The following ATP8B3 variants were observed in gnomAD, a reference collection of about 807,000 sequenced individuals.
ATP8B3 encodes the protein ATPase phospholipid transporting 8B3.
A neutral mutation model predicts 140.9 loss-of-function variants in ATP8B3; 141 were observed. That is an observed-to-expected ratio of 1.00 (90% CI 0.87 to 1.15). The LOEUF is 1.15. ATP8B3 is among the 50% of genes most tolerant of loss of function. The pLI is 0.00. For missense variants in ATP8B3, 1,874 were observed against 1,740.6 expected, an observed-to-expected ratio of 1.08 and a Z score of -1.36; for synonymous variants, 765 against 714.6, an observed-to-expected ratio of 1.07 and a Z score of -1.13.
rs2069195037 is a variant in ATP8B3 at position 1,811,723 on chromosome 19, G to A, written c.14C>T (p.Pro5Leu). 2 of 1,595,186 alleles carry A rather than the reference G, an allele frequency of 1.3e-6. No individual in the cohort carries two copies. The highest frequency in any genetic ancestry group is 1.3e-5 in the African/African-American group (1 of 74,758). ...TCTGGTGCTCCTGGGAGTCTGAGCG[G>A]GGCCAGTGCCCATTCACCGCATGAG... is the stretch of plus-strand genomic sequence containing the variant. The part of the protein sequence containing the change: MGTG[P>L]AQTPRSTRAG... The change falls in exon 2 of 29, where the codon CCC (proline) becomes CTC (leucine). Residue 5 changes from proline (P) to leucine (L), a missense_variant. Pro to Leu is a moderately conservative substitution (Grantham distance 98). This residue lies in a region of ATP8B3 where 1,032 missense variants were observed against 963.6 expected (regional missense o/e 1.07). Transcript: ENST00000310127.
Position 1,810,652 on chromosome 19 carries a change from C to T in ATP8B3, c.280G>A (p.Glu94Lys), listed in dbSNP as rs751559330. Residue 94 changes from glutamate (E) to lysine (K), a missense_variant, in exon 3 of 29, where the codon GAA becomes AAA. Physicochemically the swap from Glu to Lys is moderately conservative, Grantham distance 56. Around this residue, in one of 3 missense-constraint regions of ATP8B3, gnomAD observed 1,032 missense variants for 963.6 expected, o/e 1.07. Coordinates refer to ENST00000310127, the MANE Select transcript of ATP8B3 (RefSeq NM_138813.4). ...TTCCTGTCCTCATCTTGGAGATCTTCTCTCTGGCCGAGGCTGCCCATGCTG... is the reference window on the plus strand; with the variant it reads ...TTCCTGTCCTCATCTTGGAGATCTTTTCTCTGGCCGAGGCTGCCCATGCTG... ...PTSMGSLGQREDLQDEDRNSA... is the reference protein window; with the variant it reads ...PTSMGSLGQRKDLQDEDRNSA... 2.3e-5 allele frequency: 37 copies of T among 1,613,034 alleles called. No individual in the cohort carries two copies. The highest frequency in any genetic ancestry group is 2.9e-5 in the Non-Finnish European group (34 of 1,179,670).
intron 14 of ATP8B3, chr19:1,799,207 C>G (rs143777405): frequency 6.6e-6 from 1 of 151,842 alleles, no homozygotes. Flanking sequence ...GCCTGCAATG[C>G]CAATATTTTG....
intron 4 of ATP8B3, 54 bp downstream of exon 4, chr19:1,809,589 G>T: frequency 6.7e-7 from 1 of 1,487,916 alleles, no homozygotes. Flanking sequence ...TAGATTCCCC[G>T]AGGGTACCAC....
chr19:1,805,588 T>C lies in ATP8B3; in HGVS notation c.822-132A>G. On this transcript the variant is annotated intron_variant, in intron 9 of 28. Coordinates refer to ENST00000310127, the MANE Select transcript of ATP8B3 (RefSeq NM_138813.4). This position sits in a 1 kb window ranked among gnomAD's most constrained non-coding sequence, Gnocchi z 5.2. ...GTTCGCCAGCTGCCAGTCAGATGGC[T>C]GAGGCCCAGAGAGGGAGAAGGCCTT... The C allele has an allele frequency of 3.5e-6, 3 of 866,712 alleles. No homozygotes were observed. Among genetic ancestry groups the C allele is most frequent in the South Asian group, 3.1e-5 (2 of 65,182 alleles). The allele number at this position is 866,712 out of a possible 1,614,324, so 53.7% of individuals were successfully genotyped here.
At chr19:1,784,751 C>T in intron 28 of ATP8B3, 68 bp downstream of exon 28, 1 of 1,510,964 alleles carries the variant, frequency 6.6e-7, no homozygotes, top group South Asian at 1.3e-5. Flanking sequence ...TCCCTACGCC[C>T]TGCACGGCTC....
Position 1,812,160 on chromosome 19 carries a change from C to T in ATP8B3, c.-149+26G>A, listed in dbSNP as rs115113241. 1,625 of 165,088 alleles carry T rather than the reference C, an allele frequency of 9.8e-3. 31 individuals are homozygous for T. Among genetic ancestry groups the T allele is most frequent in the African/African-American group, 0.037 (1,555 of 41,982 alleles). The allele number at this position is 165,088 out of a possible 1,614,324, so 10.2% of individuals were successfully genotyped here. On this transcript the variant is annotated intron_variant, in intron 1 of 28. Coordinates refer to ENST00000310127, the MANE Select transcript of ATP8B3 (RefSeq NM_138813.4). ...GGGTGCGCGGGCTCCCGGGGACGCA[C>T]AGCAGTGGGAGCACCCGCCGCTCAC...
chr19:1,801,051 A>C (rs954588283), intron 12 of ATP8B3, among the ~76,000 whole-genome samples: 2 of 150,930 alleles, frequency 1.3e-5, no homozygotes, highest in East Asian at 2.0e-4. Context: ...GATGGTCTTG[A>C]TCTCCTGACC....
intron 14 of ATP8B3, chr19:1,798,864 C>A (rs762165501): frequency 6.6e-6 from 1 of 152,150 alleles, no homozygotes; most frequent in Non-Finnish European, 1.5e-5. Flanking sequence ...GAGCAGTGGC[C>A]GGGTGTGGTG....
chr19:1,799,936 C>G lies in ATP8B3; in HGVS notation c.1552+11G>C. The G allele has an allele frequency of 6.3e-7, 1 of 1,583,440 alleles. No homozygotes were observed. The highest frequency in any genetic ancestry group is 8.6e-7 in the Non-Finnish European group (1 of 1,165,548). On this transcript the variant is annotated intron_variant, in intron 14 of 28. Transcript: ENST00000310127. ...AGGACCCAGCTGGGAGCTCAGGTGTCGGGGCCGCACCATAGACGCGGCCGC... is the reference window on the plus strand; with the variant it reads ...AGGACCCAGCTGGGAGCTCAGGTGTGGGGGCCGCACCATAGACGCGGCCGC...
In ATP8B3 at chr19:1,805,892, C is replaced by A; in HGVS notation, c.817G>T (p.Asp273Tyr). The change falls in exon 9 of 29, where the codon GAC becomes TAC. Residue 273 changes from aspartate (D) to tyrosine (Y), a missense_variant. Around this residue, in one of 3 missense-constraint regions of ATP8B3, gnomAD observed 1,032 missense variants for 963.6 expected, o/e 1.07. Coordinates refer to ENST00000310127, the MANE Select transcript of ATP8B3 (RefSeq NM_138813.4). This position sits in a 1 kb window ranked among gnomAD's most constrained non-coding sequence, Gnocchi z 5.2. ...SLCYVETVDI[D>Y]GETNLKFRQA... The stretch of plus-strand genomic sequence containing the variant: ...AGCGATGCCACAGCTCCTCACCCGT[C>A]AATGTCCACCGTCTCCACATAGCAC... 6.2e-7 allele frequency: 1 copy of A among 1,612,930 alleles called. No homozygotes were observed. Among genetic ancestry groups the A allele is most frequent in the East Asian group, 2.2e-5 (1 of 44,832 alleles).
At chr19:1,797,504 A>ATTTT (rs898280908) in intron 14 of ATP8B3, among the ~76,000 whole-genome samples, 1 of 109,448 alleles carries the variant, frequency 9.1e-6, no homozygotes, top group Non-Finnish European at 1.8e-5. Context: ...TTATTTATTT[A>ATTTT]TTTATTTATT....
At chr19:1,791,439 G>A (rs1013049549) in intron 20 of ATP8B3, among the ~76,000 whole-genome samples, 10 of 151,114 alleles carry the variant, frequency 6.6e-5, no homozygotes, top group South Asian at 6.3e-4. Context: ...CCAGGCTGGA[G>A]TGCAATGGTG....
chr19:1,795,783 CTA>C (rs1568635363), intron 18 of ATP8B3, 90 bp downstream of exon 18: 6 of 1,105,700 alleles, frequency 5.4e-6, no homozygotes, highest in Non-Finnish European at 7.8e-6. Flanking sequence ...CCTCCTGTCC[CTA>C]CACACACACA....
intron 20 of ATP8B3, 151 bp downstream of exon 20, chr19:1,791,599 G>A: frequency 4.8e-6 from 3 of 622,522 alleles, no homozygotes; most frequent in Non-Finnish European, 8.5e-6. Flanking sequence ...GACCATGTTG[G>A]CCCTGCTGGT....
Position 1,805,423 on chromosome 19 carries a change from C to T in ATP8B3, c.855G>A (p.Met285Ile), listed in dbSNP as rs374986254. 2.0e-4 allele frequency: 313 copies of T among 1,566,190 alleles called. No individual in the cohort carries two copies. Among genetic ancestry groups the T allele is most frequent in the Non-Finnish European group, 2.5e-4 (292 of 1,153,474 alleles). ...ETNLKFRQAL[M>I]VTHKELATIK... ...TAGTGGCCAGTTCTTTGTGGGTGAC[C>T]ATCAGGGCCTGTCTGAACTTCAAGT... The change falls in exon 10 of 29, where the codon ATG becomes ATA. Residue 285 changes from methionine to isoleucine, a missense_variant. Physicochemically the swap from Met to Ile is conservative, Grantham distance 10. This residue lies in a region of ATP8B3 where 1,032 missense variants were observed against 963.6 expected (regional missense o/e 1.07). Coordinates refer to ENST00000310127, the MANE Select transcript of ATP8B3 (RefSeq NM_138813.4). This position sits in a 1 kb window ranked among gnomAD's most constrained non-coding sequence, Gnocchi z 5.2.
In ATP8B3 at chr19:1,806,108, T is replaced by C. The variant is rs776565048; in HGVS notation, c.739A>G (p.Asn247Asp). ...VGDVVCLRKD[N>D]IVPADMLLLA... The stretch of plus-strand genomic sequence containing the variant: ...CAACCCCAGCTCACTGGGACGATGT[T>C]GTCCTTGCGGAGACAGACCACATCC... The change falls in exon 8 of 29, where the codon AAC becomes GAC. Residue 247 changes from asparagine to aspartate, a missense_variant. Asn to Asp is a conservative substitution (Grantham distance 23). Around this residue, in one of 3 missense-constraint regions of ATP8B3, gnomAD observed 1,032 missense variants for 963.6 expected, o/e 1.07. Transcript: ENST00000310127. The surrounding 1 kb of genome is among the most constrained non-coding windows in gnomAD (Gnocchi z 5.6). 20 of 1,602,842 alleles carry C rather than the reference T, an allele frequency of 1.2e-5. 1 individual carries two copies. The highest frequency in any genetic ancestry group is 1.6e-5 in the Non-Finnish European group (19 of 1,175,290).
In ATP8B3 at chr19:1,785,606, C is replaced by A. The variant is rs537275305; in HGVS notation, c.3256G>T (p.Gly1086Cys). Residue 1086 changes from glycine to cysteine, a missense_variant, in exon 26 of 29, where the codon GGT becomes TGT. Gly to Cys is a radical substitution (Grantham distance 159). Transcript: ENST00000310127. Reference protein sequence around the residue: ...YWVFVQAIAHGVTTSLVNFFM... With the variant: ...YWVFVQAIAHCVTTSLVNFFM... The stretch of plus-strand genomic sequence containing the variant: ...AAGTTGACCAGAGAGGTGGTCACAC[C>A]ATGGGCGATGGCTTGGACGAAGACC... 2 of 1,613,298 alleles carry A rather than the reference C, an allele frequency of 1.2e-6. No individual in the cohort carries two copies. The highest frequency in any genetic ancestry group is 4.5e-5 in the East Asian group (2 of 44,884).
Position 1,796,122 on chromosome 19 carries a change from C to G in ATP8B3, c.1897G>C (p.Ala633Pro), listed in dbSNP as rs909464499. ...LGEERVYQVL[A>P]IMDFNSTRKR... The stretch of plus-strand genomic sequence containing the variant: ...CGCGTGCTGTTGAAGTCCATTATGG[C>G]CAGGACCTGGTAGACCCGTTCCTCC... The change falls in exon 17 of 29, where the codon GCC (alanine) becomes CCC (proline). Residue 633 changes from alanine (A) to proline (P), a missense_variant. This residue lies in a region of ATP8B3 where 1,032 missense variants were observed against 963.6 expected (regional missense o/e 1.07). Transcript: ENST00000310127. 1 of 1,613,054 alleles carries G rather than the reference C, an allele frequency of 6.2e-7. No homozygotes were observed. The highest frequency in any genetic ancestry group is 1.1e-5 in the South Asian group (1 of 91,084).
chr19:1,802,715 G>A (rs1432248020), intron 10 of ATP8B3, 70 bp from the exon 11 acceptor site: 10 of 1,530,648 alleles, frequency 6.5e-6, no homozygotes, highest in African/African-American at 1.4e-5. Context: ...TGCACCGGGT[G>A]CAGGTGAGAA....
Sources: gnomAD v4.1 joint callset for allele counts (sites outside exome capture counted in the v4.1 genomes callset) on GRCh38, gnomAD v4.1.1 for gene constraint, gnomAD v4.1.1 regional missense constraint, Gnocchi (gnomAD v3.1) non-coding constraint, MANE v1.5 for transcripts, NCBI Gene and HGNC (gene_info 2026-07-23, HGNC 2026-07-21) for gene names.